The following CUX2 variants were observed in gnomAD, a reference collection of about 807,000 sequenced individuals.
CUX2 encodes the protein cut like homeobox 2.
A neutral mutation model predicts 144.8 loss-of-function variants in CUX2; 40 were observed. The ratio of observed to expected loss-of-function variants is 0.28; its 90% CI spans 0.21 to 0.36. The LOEUF (loss-of-function observed/expected upper bound fraction) is 0.36, where lower values mean the gene tolerates loss of function less well. Ranked by LOEUF, CUX2 falls within the 10% of genes least tolerant of loss-of-function variation. CUX2 has a pLI of 1.00. For missense variants in CUX2, 1,615 were observed against 1,994.0 expected (o/e 0.81, Z 3.62); for synonymous variants, 827 against 875.6 (o/e 0.94, Z 0.98).
At chr12:111,067,938 G>T (rs1871089597) in intron 1 of CUX2, among the ~76,000 whole-genome samples, 1 of 152,152 alleles carries the variant, frequency 6.6e-6, no homozygotes, top group African/African-American at 2.4e-5. Flanking sequence ...CAGAGCTTCA[G>T]CAGATGTGGA....
At chr12:111,340,691 T>G (rs1035135250) in intron 20 of CUX2, among the ~76,000 whole-genome samples, 1 of 152,238 alleles carries the variant, frequency 6.6e-6, no homozygotes, top group Non-Finnish European at 1.5e-5. Context: ...TCAATGTACT[T>G]TACGTTCTTA....
chr12:111,315,145 C>CA (rs1436587038), intron 16 of CUX2, among the ~76,000 whole-genome samples: 6 of 151,794 alleles, frequency 4.0e-5, no homozygotes, highest in East Asian at 1.9e-4. Flanking sequence ...ATACCCCTGG[C>CA]AAAAAAAATG....
At chr12:111,344,014 C>G (rs2136452543) in intron 21 of CUX2, among the ~76,000 whole-genome samples, 1 of 152,328 alleles carries the variant, frequency 6.6e-6, no homozygotes, top group Non-Finnish European at 1.5e-5. Context: ...GATCACACCA[C>G]TGCACTCCAG....
intron 1 of CUX2, among the ~76,000 whole-genome samples, chr12:111,052,479 T>A (rs1387480922): frequency 6.6e-6 from 1 of 151,764 alleles, no homozygotes; most frequent in Non-Finnish European, 1.5e-5. Flanking sequence ...GTGATGTGAG[T>A]GTAATGTGAG....
chr12:111,071,900 C>T (rs1260385936), intron 1 of CUX2, among the ~76,000 whole-genome samples: 2 of 152,164 alleles, frequency 1.3e-5, no homozygotes, highest in Non-Finnish European at 2.9e-5. Context: ...TGCCTTTGCT[C>T]CCTTGTCAAA....
At chr12:111,074,458 C>T (rs1186593770) in intron 1 of CUX2, among the ~76,000 whole-genome samples, 1 of 151,998 alleles carries the variant, frequency 6.6e-6, no homozygotes, top group Non-Finnish European at 1.5e-5. Flanking sequence ...CTAGCTGTTC[C>T]CTGCCTGATC....
At chr12:111,125,059 C>T (rs1412563649) in intron 1 of CUX2, among the ~76,000 whole-genome samples, 1 of 152,138 alleles carries the variant, frequency 6.6e-6, no homozygotes, top group African/African-American at 2.4e-5. Flanking sequence ...TCTGAGGCTG[C>T]TTTTGAGGCC....
intron 3 of CUX2, among the ~76,000 whole-genome samples, chr12:111,232,970 C>G (rs7973104): frequency 0.36 from 55,425 of 152,068 alleles, 13,221 homozygotes; most frequent in African/African-American, 0.66. Context: ...GTACCAGGGA[C>G]CTTCCTGGGG....
At chr12:111,292,812 G>A (rs1396377089) in intron 5 of CUX2, among the ~76,000 whole-genome samples, 1 of 151,986 alleles carries the variant, frequency 6.6e-6, no homozygotes, top group Non-Finnish European at 1.5e-5. Flanking sequence ...AAATGTCACT[G>A]CAAAATGGTG....
intron 1 of CUX2, chr12:111,100,222 T>G (rs780888049): frequency 8.3e-6 from 3 of 361,766 alleles, no homozygotes; most frequent in African/African-American, 2.1e-5. Context: ...TGTGCTTGTG[T>G]CTGTGTGTGT....
intron 4 of CUX2, among the ~76,000 whole-genome samples, chr12:111,279,351 T>C (rs1447519850): frequency 6.6e-6 from 1 of 152,222 alleles, no homozygotes; most frequent in Non-Finnish European, 1.5e-5. Flanking sequence ...CAGTTTGTAT[T>C]GAGTCCATTG....
At chr12:111,130,410 A>G (rs1262580392) in intron 1 of CUX2, among the ~76,000 whole-genome samples, 1 of 152,202 alleles carries the variant, frequency 6.6e-6, no homozygotes, top group African/African-American at 2.4e-5. Context: ...GTGTGATTAC[A>G]CTATTCTGAC....
At chr12:111,215,534 G>C (rs1208926035) in intron 2 of CUX2, among the ~76,000 whole-genome samples, 1 of 152,226 alleles carries the variant, frequency 6.6e-6, no homozygotes, top group Non-Finnish European at 1.5e-5. Flanking sequence ...ATGAATCTCA[G>C]GTCTAAAAGC....
At chr12:111,048,547 GGGCGCC>G (rs1352892559) in intron 1 of CUX2, among the ~76,000 whole-genome samples, 1 of 152,168 alleles carries the variant, frequency 6.6e-6, no homozygotes, top group African/African-American at 2.4e-5. Context: ...AGTGGGCAAG[GGGCGCC>G]TTCTCTCCTG....
chr12:111,194,465 A>G (rs1220591818), intron 1 of CUX2, among the ~76,000 whole-genome samples: 1 of 152,252 alleles, frequency 6.6e-6, no homozygotes, highest in Non-Finnish European at 1.5e-5. Flanking sequence ...CAGTGATTAC[A>G]GTTCAGGAGA....
chr12:111,118,556 C>T (rs1289236693), intron 1 of CUX2, among the ~76,000 whole-genome samples: 1 of 152,172 alleles, frequency 6.6e-6, no homozygotes, highest in African/African-American at 2.4e-5. Context: ...CCCCTGCCTC[C>T]ACCATCAAGC....
intron 1 of CUX2, among the ~76,000 whole-genome samples, chr12:111,088,141 G>A (rs1250790419): frequency 6.6e-6 from 1 of 152,208 alleles, no homozygotes; most frequent in Admixed American, 6.5e-5. Flanking sequence ...GGGTCAGGGA[G>A]GAAAATATGT....
At chr12:111,116,225 G>C (rs527383662) in intron 1 of CUX2, among the ~76,000 whole-genome samples, 4 of 152,240 alleles carry the variant, frequency 2.6e-5, no homozygotes, top group East Asian at 3.8e-4. Context: ...CTGGGGGAAC[G>C]AAAGATGTTG....
At chr12:111,148,438 G>C (rs1053140405) in intron 1 of CUX2, among the ~76,000 whole-genome samples, 1 of 152,174 alleles carries the variant, frequency 6.6e-6, no homozygotes, top group African/African-American at 2.4e-5. Context: ...AGGTGAAAAA[G>C]TTCTGGATAG....
Sources: allele counts gnomAD v4.1 joint callset (sites outside exome capture counted in the v4.1 genomes callset), GRCh38; gene constraint gnomAD v4.1.1; transcripts MANE v1.5; gene names NCBI Gene and HGNC (gene_info 2026-07-23, HGNC 2026-07-21).